The following FBXO34 variants were observed in gnomAD, a reference collection of about 807,000 sequenced individuals.
FBXO34 encodes the protein F-box only protein 34.
Under a neutral mutation model 24.5 loss-of-function variants are expected in FBXO34, and 12 were observed. That is an observed-to-expected ratio of 0.49 (90% CI 0.31 to 0.79). FBXO34 has a LOEUF of 0.79. Among genes scored for constraint, FBXO34 ranks in the 30% least tolerant of loss-of-function variants. The probability of loss-of-function intolerance (pLI) is 0.04; values close to 1 mark genes in which losing one functional copy is unlikely to be tolerated. For synonymous variants in FBXO34, 320 were observed against 311.9 expected (o/e 1.03, Z -0.27); for missense variants, 823 against 857.7 (o/e 0.96, Z 0.51).
chr14:55,313,204 TA>T (rs1882807459), intron 1 of FBXO34, among the ~76,000 whole-genome samples: 2 of 152,296 alleles, frequency 1.3e-5, no homozygotes, highest in South Asian at 4.2e-4. Flanking sequence ...CACAGATCTC[TA>T]AGGTAGGGGC....
At chr14:55,411,221 A>G in the FBXO34 span, among the ~76,000 whole-genome samples, 1 of 152,238 alleles carries the variant, frequency 6.6e-6, no homozygotes. Flanking sequence ...ATGAGTATAA[A>G]TATGCTTTCG....
chr14:55,382,210 A>G, the FBXO34 span: 2 of 1,611,534 alleles, frequency 1.2e-6, no homozygotes, highest in African/African-American at 2.7e-5. Flanking sequence ...AGGAAGACAC[A>G]CACGGATTTT....
chr14:55,428,899 G>C, the FBXO34 span: 2 of 1,614,070 alleles, frequency 1.2e-6, no homozygotes, highest in Non-Finnish European at 1.7e-6. Context: ...TTTTAAAATC[G>C]AGGAATCTGG....
downstream of FBXO34, chr14:55,366,598 T>A (rs1054028011): frequency 2.6e-5 from 4 of 152,244 alleles, no homozygotes; most frequent in African/African-American, 9.7e-5. Context: ...CTCTACCCAA[T>A]GGTGATATAC....
At chr14:55,335,620 G>A (rs1333630383) in intron 1 of FBXO34, among the ~76,000 whole-genome samples, 1 of 152,122 alleles carries the variant, frequency 6.6e-6, no homozygotes, top group Non-Finnish European at 1.5e-5. Context: ...TGTGCATTTG[G>A]CTTTGTTTAA....
intron 3 of FBXO34, among the ~76,000 whole-genome samples, chr14:55,360,386 TC>T (rs2140103034): frequency 6.6e-6 from 1 of 152,270 alleles, no homozygotes; most frequent in South Asian, 2.1e-4. Flanking sequence ...AGAAACACTT[TC>T]TTTTGCTCAT....
chr14:55,323,220 TA>T (rs1566555858), intron 1 of FBXO34, among the ~76,000 whole-genome samples: 3 of 19,974 alleles, frequency 1.5e-4, no homozygotes, highest in Admixed American at 7.1e-4. Flanking sequence ...AAAAAAAAAA[TA>T]TATATTTTTT....
the FBXO34 span, among the ~76,000 whole-genome samples, chr14:55,441,072 C>T: frequency 0.52 from 79,179 of 151,926 alleles, 20,776 homozygotes; most frequent in East Asian, 0.64. Flanking sequence ...TCTGAAACTC[C>T]TGACCTCAGG....
chr14:55,284,418 C>T (rs909017774), intron 1 of FBXO34, among the ~76,000 whole-genome samples: 4 of 147,862 alleles, frequency 2.7e-5, no homozygotes, highest in African/African-American at 1.0e-4. Flanking sequence ...GAGGCTGAGG[C>T]AGGAGAATCT....
the FBXO34 span, chr14:55,440,535 G>A: frequency 3.1e-6 from 5 of 1,604,014 alleles, no homozygotes; most frequent in East Asian, 6.7e-5. Context: ...CGGCCAGGGC[G>A]CAGAGGCCAT....
chr14:55,365,058 TA>T (rs563260970), downstream of FBXO34, among the ~76,000 whole-genome samples: 318 of 124,448 alleles, frequency 2.6e-3, 1 homozygote, highest in Non-Finnish European at 3.1e-3. Context: ...ATCTCTACTT[TA>T]AAAAAAAAAA....
downstream of FBXO34, among the ~76,000 whole-genome samples, chr14:55,374,568 T>C (rs938704323): frequency 6.6e-6 from 1 of 152,244 alleles, no homozygotes; most frequent in African/African-American, 2.4e-5. Context: ...CTTTCCTTTA[T>C]GGTTTTTGGG....
chr14:55,413,242 C>T, the FBXO34 span, among the ~76,000 whole-genome samples: 5 of 152,316 alleles, frequency 3.3e-5, no homozygotes, highest in African/African-American at 1.2e-4. Context: ...TGTATTCAGA[C>T]AGGATCCTTC....
At chr14:55,389,099 T>C in the FBXO34 span, among the ~76,000 whole-genome samples, 1 of 152,228 alleles carries the variant, frequency 6.6e-6, no homozygotes, top group Non-Finnish European at 1.5e-5. Context: ...AAACCACTGT[T>C]ATAGGGTCCA....
downstream of FBXO34, among the ~76,000 whole-genome samples, chr14:55,364,418 G>A (rs1884635124): frequency 1.3e-5 from 2 of 151,982 alleles, no homozygotes; most frequent in South Asian, 4.2e-4. Context: ...TCCCACTGGT[G>A]GTTTCTGGTT....
chr14:55,359,931 A>G (rs1401514677), intron 3 of FBXO34, among the ~76,000 whole-genome samples: 1 of 151,888 alleles, frequency 6.6e-6, no homozygotes, highest in Non-Finnish European at 1.5e-5. Context: ...AAAAAAAAAA[A>G]AAAAATGGTG....
intron 1 of FBXO34, among the ~76,000 whole-genome samples, chr14:55,286,778 G>T (rs1321075689): frequency 6.6e-6 from 1 of 151,560 alleles, no homozygotes; most frequent in Non-Finnish European, 1.5e-5. Context: ...TATCTTACAT[G>T]CTTGGGACCA....
the FBXO34 span, chr14:55,394,937 T>C: frequency 7.8e-6 from 3 of 386,592 alleles, no homozygotes; most frequent in African/African-American, 6.3e-5. Flanking sequence ...AACCAGAGAA[T>C]GATTTCACCT....
chr14:55,300,073 A>G (rs1458967174), intron 1 of FBXO34, among the ~76,000 whole-genome samples: 1 of 151,968 alleles, frequency 6.6e-6, no homozygotes, highest in East Asian at 1.9e-4. Context: ...CCACAATACC[A>G]TTATCACCCC....
Sources: allele counts gnomAD v4.1 joint callset (sites outside exome capture counted in the v4.1 genomes callset), GRCh38; gene constraint gnomAD v4.1.1; transcripts MANE v1.5; gene names NCBI Gene and HGNC (gene_info 2026-07-23, HGNC 2026-07-21).